The following GDF5 variants were observed in gnomAD, a reference collection of about 807,000 sequenced individuals.
GDF5 encodes the protein growth/differentiation factor 5.
A neutral mutation model predicts 34.6 loss-of-function variants in GDF5; 17 were observed. That is an observed-to-expected ratio of 0.49 (90% CI 0.34 to 0.74). The LOEUF is 0.74. GDF5 is among the 30% of genes least tolerant of loss of function. The probability of loss-of-function intolerance (pLI) is 0.01; values close to 1 mark genes in which losing one functional copy is unlikely to be tolerated. For missense variants in GDF5, 616 were observed against 661.2 expected (o/e 0.93, Z 0.75); for synonymous variants, 332 against 290.7 (o/e 1.14, Z -1.44).
At chr20:35,442,817 A>T (rs142063613), upstream of GDF5, among the ~76,000 whole-genome samples, 9,689 of 152,118 alleles carry the variant, frequency 0.064, 465 homozygotes, top group African/African-American at 0.13. Context: ...AAGTGCTAGG[A>T]TTACAGGCAT....
At chr20:35,442,537 CTT>C (rs57668486), upstream of GDF5, among the ~76,000 whole-genome samples, 1 of 118,922 alleles carries the variant, frequency 8.4e-6, no homozygotes. Context: ...TGATACCCGT[CTT>C]TTTTTTTTTT....
intron 1 of GDF5, among the ~76,000 whole-genome samples, chr20:35,446,592 T>C (rs2062514878): frequency 6.6e-6 from 1 of 151,918 alleles, no homozygotes; most frequent in South Asian, 2.1e-4. Flanking sequence ...TGCAAGCCAC[T>C]GCACCTGGCT....
intron 1 of GDF5, among the ~76,000 whole-genome samples, chr20:35,444,207 T>C (rs896698971): frequency 1.3e-4 from 20 of 152,204 alleles, no homozygotes; most frequent in Non-Finnish European, 7.3e-5. Context: ...TGCGTTTGTT[T>C]GTCTCTTCTC....
At position 35,434,437 on chromosome 20, in the gene GDF5, G is replaced by A. The variant is rs150162945; in HGVS notation, c.978C>T (p.Gly326=). The A allele has an allele frequency of 6.8e-6, 11 of 1,613,502 alleles. No homozygotes were observed. The highest frequency in any genetic ancestry group is 9.3e-6 in the Non-Finnish European group (11 of 1,179,852). Residue 326 remains glycine, a synonymous_variant, in exon 2 of 2, where the codon GGC becomes GGT. Transcript: ENST00000374369. ...WERGRAVDLR[G]LGFDRAARQV... is the part of the protein sequence containing the mutation. ...GCCGGGCGGCGCGGTCGAAGCCCAGGCCACGGAGGTCCACGGCCCTGCCCC... is the reference window on the plus strand; with the variant it reads ...GCCGGGCGGCGCGGTCGAAGCCCAGACCACGGAGGTCCACGGCCCTGCCCC...
At chr20:35,438,299 G>A (rs966947515), upstream of GDF5, 4 of 293,320 alleles carry the variant, frequency 1.4e-5, no homozygotes, top group Non-Finnish European at 2.6e-5. Context: ...GCGTAATGCT[G>A]CCTGTGTGCT....
intron 1 of GDF5, chr20:35,435,016 T>G: frequency 1.6e-6 from 1 of 638,648 alleles, no homozygotes. Context: ...CTGGGGATGA[T>G]TTGCGTGATT....
chr20:35,439,297 A>G (rs1210638635), upstream of GDF5, among the ~76,000 whole-genome samples: 3 of 139,744 alleles, frequency 2.1e-5, no homozygotes, highest in South Asian at 2.2e-4. Flanking sequence ...GCATGATCTC[A>G]GCTCACTGCA....
intron 1 of GDF5, chr20:35,435,225 T>A (rs981610306): frequency 3.0e-6 from 1 of 337,802 alleles, no homozygotes; most frequent in Admixed American, 4.3e-5. Context: ...CTGAGGTGGG[T>A]GGATTGCTTG....
intron 1 of GDF5, among the ~76,000 whole-genome samples, chr20:35,435,860 T>C (rs1373702497): frequency 3.3e-5 from 5 of 152,194 alleles, no homozygotes; most frequent in Admixed American, 2.6e-4. Flanking sequence ...ATTGGGCTTG[T>C]GTGACTATTT....
chr20:35,434,326 G>A lies in GDF5; in HGVS notation c.1089C>T (p.Gly363=). ...LFFNEIKARS[G]QDDKTVYEYL... ...ACTCATACACGGTCTTATCGTCCTG[G>A]CCAGAGCGGGCCTTAATCTCATTAA... The change falls in exon 2 of 2, where the codon GGC becomes GGT. Residue 363 remains glycine, a synonymous_variant. Coordinates refer to ENST00000374369, the MANE Select transcript of GDF5 (RefSeq NM_000557.5). The A allele has an allele frequency of 6.2e-7, 1 of 1,614,036 alleles. No individual in the cohort carries two copies. Among genetic ancestry groups the A allele is most frequent in the Non-Finnish European group, 8.5e-7 (1 of 1,180,034 alleles).
chr20:35,452,880 C>G (rs1272586870), intron 1 of GDF5, among the ~76,000 whole-genome samples: 1 of 150,834 alleles, frequency 6.6e-6, no homozygotes, highest in Non-Finnish European at 1.5e-5. Context: ...GAATAAGTCT[C>G]CTATCCACAC....
chr20:35,440,471 CT>C (rs1303679288), upstream of GDF5, among the ~76,000 whole-genome samples: 1 of 152,080 alleles, frequency 6.6e-6, no homozygotes, highest in African/African-American at 2.4e-5. Flanking sequence ...TGATTCTCCC[CT>C]ATAACTGGCT....
intron 1 of GDF5, among the ~76,000 whole-genome samples, chr20:35,451,056 A>ATATATATATATATAT (rs2062530262): frequency 3.0e-5 from 2 of 67,042 alleles, no homozygotes; most frequent in African/African-American, 1.5e-4. Flanking sequence ...AAAAAAAAAA[A>ATATATATATATATAT]AAAAAAAAAT....
Position 35,434,424 on chromosome 20 carries a change from G to T in GDF5, c.991C>A (p.Arg331Ser). Residue 331 changes from arginine (R) to serine (S), a missense_variant, in exon 2 of 2, where the codon CGC becomes AGC. Physicochemically the swap from Arg to Ser is moderately radical, Grantham distance 110. Transcript: ENST00000374369. ...TTCTCGTGGACCTGCCGGGCGGCGC[G>T]GTCGAAGCCCAGGCCACGGAGGTCC... ...AVDLRGLGFD[R>S]AARQVHEKAL... 6.2e-7 allele frequency: 1 copy of T among 1,613,514 alleles called. No individual in the cohort carries two copies. Among genetic ancestry groups the T allele is most frequent in the Non-Finnish European group, 8.5e-7 (1 of 1,179,858 alleles).
rs145999215 is a variant in GDF5, at chr20:35,436,751, G to A, written c.631+547C>T. Among the ~76,000 whole-genome samples the A allele has an allele frequency of 5.9e-5, 9 of 152,274 alleles. 1 individual carries two copies. The East Asian group carries it at 1.2e-3, about 20-fold the overall frequency. ...AGGAGCTTTCCCAAGGTCATACTGC[G>A]AGTTAGGCCCTGGGTCTGCTCCCTC... On this transcript the variant is annotated intron_variant, in intron 1 of 1. Coordinates refer to ENST00000374369, the MANE Select transcript of GDF5 (RefSeq NM_000557.5).
intron 1 of GDF5, among the ~76,000 whole-genome samples, chr20:35,444,371 C>T (rs976100018): frequency 2.0e-5 from 3 of 152,084 alleles, no homozygotes; most frequent in South Asian, 4.1e-4. Flanking sequence ...AGTGAGAAAA[C>T]GAGACATACT....
intron 1 of GDF5, among the ~76,000 whole-genome samples, chr20:35,448,998 A>G (rs1442858962): frequency 6.6e-6 from 1 of 152,132 alleles, no homozygotes; most frequent in Non-Finnish European, 1.5e-5. Context: ...AACTAGGGAG[A>G]TTGACACAAT....
At position 35,434,256 on chromosome 20, in the gene GDF5, G is replaced by A. The variant is rs139413270; in HGVS notation, c.1159C>T (p.Arg387Cys). ...TTCTTGCTGGGTCGCTTGCCCTGGC[G>A]AGTGGCCAGTGGGGCCCGCCGTTTT... ...RRKRRAPLAT[R>C]QGKRPSKNLK... The change falls in exon 2 of 2, where the codon CGC becomes TGC. Residue 387 changes from arginine to cysteine, a missense_variant. By Grantham distance (180) the Arg-to-Cys change is radical (BLOSUM62 -3). Coordinates refer to ENST00000374369, the MANE Select transcript of GDF5 (RefSeq NM_000557.5). 1.9e-6 allele frequency: 3 copies of A among 1,613,824 alleles called. No homozygotes were observed. Among genetic ancestry groups the A allele is most frequent in the Non-Finnish European group, 2.5e-6 (3 of 1,180,024 alleles).
upstream of GDF5, among the ~76,000 whole-genome samples, chr20:35,438,849 G>GTGTGTGTTTA (rs1401720637): frequency 4.0e-5 from 1 of 24,784 alleles, no homozygotes. Flanking sequence ...GTGTGTGTGT[G>GTGTGTGTTTA]TGTGTGTGTG....
Sources: allele counts gnomAD v4.1 joint callset (sites outside exome capture counted in the v4.1 genomes callset), GRCh38; gene constraint gnomAD v4.1.1; transcripts MANE v1.5; gene names NCBI Gene and HGNC (gene_info 2026-07-23, HGNC 2026-07-21).